Variants in LIMCH1 observed in about 807,000 individuals in gnomAD.
LIMCH1 encodes LIM and calponin homology domains 1.
A neutral mutation model predicts 176.5 loss-of-function variants in LIMCH1; 113 were observed. That is an observed-to-expected ratio of 0.64 (90% CI 0.55 to 0.75). The LOEUF is 0.75. LIMCH1 is among the 30% of genes least tolerant of loss of function. The probability of loss-of-function intolerance (pLI) is 0.00; values close to 1 mark genes in which losing one functional copy is unlikely to be tolerated. For missense variants in LIMCH1, 1,674 were observed against 1,814.9 expected, an observed-to-expected ratio of 0.92 and a Z score of 1.41; for synonymous variants, 619 against 645.9, an observed-to-expected ratio of 0.96 and a Z score of 0.63.
chr4:41,669,430 G>A (rs969439967), intron 21 of LIMCH1, among the ~76,000 whole-genome samples: 48 of 151,374 alleles, frequency 3.2e-4, no homozygotes, highest in Admixed American at 3.0e-3. Context: ...TGTGGAGATC[G>A]GGTTTTTCAC....
rs1715316501 is a variant in LIMCH1 at position 41,681,042 on chromosome 4, G to A, written c.3700G>A (p.Glu1234Lys). 1 of 1,607,186 alleles carries A rather than the reference G, an allele frequency of 6.2e-7. No individual in the cohort carries two copies. Among genetic ancestry groups the A allele is most frequent in the Non-Finnish European group, 8.5e-7 (1 of 1,174,098 alleles). The change falls in exon 25 of 32, where the codon GAA (glutamate) becomes AAA (lysine). Residue 1234 changes from glutamate to lysine, a missense_variant. Physicochemically the swap from Glu to Lys is moderately conservative, Grantham distance 56. Coordinates refer to ENST00000503057, the MANE Select transcript of LIMCH1 (RefSeq NM_001330672.2). ...DQLSTSSSMT[E>K]GSGTMNKIDL... ...GCTGTCTACCTCTTCCTCCATGACTGAAGGCAGTGGGACAATGGTGAGACC... is the reference window on the plus strand; with the variant it reads ...GCTGTCTACCTCTTCCTCCATGACTAAAGGCAGTGGGACAATGGTGAGACC...
At chr4:41,470,203 T>C (rs2066745082) in intron 1 of LIMCH1, among the ~76,000 whole-genome samples, 1 of 152,204 alleles carries the variant, frequency 6.6e-6, no homozygotes, top group Non-Finnish European at 1.5e-5. Flanking sequence ...CATTCTTCTT[T>C]TAGCTTTGTC....
chr4:41,490,760 G>C (rs943877227), intron 1 of LIMCH1, among the ~76,000 whole-genome samples: 1 of 152,098 alleles, frequency 6.6e-6, no homozygotes, highest in Non-Finnish European at 1.5e-5. Context: ...AACCGCCATC[G>C]TTATCACGGC....
chr4:41,604,040 G>A (rs2090348474), intron 3 of LIMCH1, 135 bp downstream of exon 3: 1 of 899,724 alleles, frequency 1.1e-6, no homozygotes, highest in African/African-American at 1.7e-5. Flanking sequence ...AATAGTTAAT[G>A]ACCATGATAG....
rs1360760510 is a variant in LIMCH1, at chr4:41,631,291, G to A, written c.1415G>A (p.Gly472Glu). The change falls in exon 10 of 32, where the codon GGG becomes GAG. Residue 472 changes from glycine to glutamate, a missense_variant. This residue lies in a region of LIMCH1 where 655 missense variants were observed against 692.2 expected (regional missense o/e 0.95). Transcript: ENST00000503057. ...SSPRQKFVHF[G>E]PVTELDQQKW... Reference sequence around the variant, plus strand: ...CCCAGGCAAAAGTTTGTGCACTTTGGGCCAGTGACGGAGCTAGATCAGCAG... The same window carrying A: ...CCCAGGCAAAAGTTTGTGCACTTTGAGCCAGTGACGGAGCTAGATCAGCAG... The A allele has an allele frequency of 1.3e-6, 2 of 1,535,922 alleles. No individual in the cohort carries two copies. The highest frequency in any genetic ancestry group is 1.7e-6 in the Non-Finnish European group (2 of 1,146,910).
intron 1 of LIMCH1, among the ~76,000 whole-genome samples, chr4:41,465,823 A>G (rs1379223487): frequency 3.9e-5 from 6 of 152,202 alleles, no homozygotes; most frequent in Non-Finnish European, 7.3e-5. Flanking sequence ...GATTTTACAA[A>G]TAAAGTTCTA....
intron 2 of LIMCH1, among the ~76,000 whole-genome samples, chr4:41,496,174 G>A (rs2072089788): frequency 6.6e-6 from 1 of 152,176 alleles, no homozygotes. Flanking sequence ...ATTGAAGTGG[G>A]TCTTTGGTCC....
intron 3 of LIMCH1, among the ~76,000 whole-genome samples, chr4:41,530,668 A>G: frequency 6.6e-6 from 1 of 151,630 alleles, no homozygotes; most frequent in East Asian, 2.0e-4. Flanking sequence ...TTAGCCTGGC[A>G]TGGTGGTGTG....
At chr4:41,664,516 A>C (rs2094753751) in intron 20 of LIMCH1, among the ~76,000 whole-genome samples, 1 of 152,198 alleles carries the variant, frequency 6.6e-6, no homozygotes, top group Admixed American at 6.5e-5. Flanking sequence ...AGGGGAACTA[A>C]ACTGGGAGTC....
At chr4:41,609,186 AG>A (rs779304819) in intron 4 of LIMCH1, among the ~76,000 whole-genome samples, 1 of 151,670 alleles carries the variant, frequency 6.6e-6, no homozygotes, top group African/African-American at 2.4e-5. Flanking sequence ...AGCAGATGCA[AG>A]ATCTCTGCCT....
chr4:41,390,428 T>C lies in LIMCH1; in HGVS notation c.96+29492T>C, dbSNP rs556275531. Reference sequence around the variant, plus strand: ...AACTCATCAAATACTTCTCATGTAGTGCGTAAGGTCTGCCATGCGTGGTGT... The same window carrying C: ...AACTCATCAAATACTTCTCATGTAGCGCGTAAGGTCTGCCATGCGTGGTGT... On this transcript the variant is annotated intron_variant, in intron 1 of 26. Coordinates refer to the LIMCH1 transcript ENST00000313860. 7.1e-4 allele frequency among the ~76,000 whole-genome samples: 108 copies of C among 152,320 alleles called. 1 individual carries two copies. Among genetic ancestry groups the C allele is most frequent in the Non-Finnish European group, 1.1e-3 (75 of 68,040 alleles).
chr4:41,578,720 A>G (rs1363443356), intron 1 of LIMCH1, among the ~76,000 whole-genome samples: 2 of 135,186 alleles, frequency 1.5e-5, no homozygotes, highest in Non-Finnish European at 1.6e-5. Flanking sequence ...CTTCCCTTCC[A>G]CTCCCCTCCC....
rs569718946 is a variant in LIMCH1 at position 41,648,894 on chromosome 4, T to G, written c.2821-1499T>G. On this transcript the variant is annotated intron_variant, in intron 17 of 31. Transcript: ENST00000503057. ...AAAAAAAAAGAACTAGAATAGAATA[T>G]AATAAAAAAACATAGTGTGTCACAC... 7.3e-4 allele frequency among the ~76,000 whole-genome samples: 110 copies of G among 151,228 alleles called. 4 individuals carry two copies. The South Asian group carries it at 0.022, about 30-fold the overall frequency.
chr4:41,696,395 C>T (rs886258723), intron 31 of LIMCH1, among the ~76,000 whole-genome samples: 1 of 152,110 alleles, frequency 6.6e-6, no homozygotes, highest in African/African-American at 2.4e-5. Flanking sequence ...TGCCTCATCA[C>T]AACTGTAGTG....
intron 4 of LIMCH1, chr4:41,613,009 A>G (rs2091630093): frequency 6.4e-7 from 1 of 1,551,668 alleles, no homozygotes; most frequent in Non-Finnish European, 8.7e-7. Flanking sequence ...TTTGCCAGAT[A>G]GTATAAACAG....
chr4:41,440,186 A>G (rs1190656041), intron 1 of LIMCH1, among the ~76,000 whole-genome samples: 17 of 152,232 alleles, frequency 1.1e-4, no homozygotes, highest in Non-Finnish European at 2.1e-4. Flanking sequence ...AAGTTTAACA[A>G]AAATACTGTT....
chr4:41,559,289 A>G (rs559280824), intron 1 of LIMCH1, among the ~76,000 whole-genome samples: 1 of 152,218 alleles, frequency 6.6e-6, no homozygotes, highest in South Asian at 2.1e-4. Flanking sequence ...TAGATGTTCC[A>G]TGTAACCTGT....
intron 1 of LIMCH1, among the ~76,000 whole-genome samples, chr4:41,378,736 T>C (rs2055167327): frequency 6.6e-6 from 1 of 152,080 alleles, no homozygotes; most frequent in East Asian, 1.9e-4. Flanking sequence ...ATGATGAGAC[T>C]TAGTGACTGA....
intron 1 of LIMCH1, among the ~76,000 whole-genome samples, chr4:41,474,550 A>G (rs1037916522): frequency 1.3e-5 from 2 of 152,162 alleles, no homozygotes; most frequent in Non-Finnish European, 2.9e-5. Flanking sequence ...AGACACACAA[A>G]TGGCCAACAG....
Sources: gnomAD v4.1 joint callset for allele counts (sites outside exome capture counted in the v4.1 genomes callset) on GRCh38, gnomAD v4.1.1 for gene constraint, gnomAD v4.1.1 regional missense constraint, MANE v1.5 for transcripts, NCBI Gene and HGNC (gene_info 2026-07-23, HGNC 2026-07-21) for gene names.